Variants in MAP3K7CL observed in about 807,000 individuals in gnomAD.
MAP3K7CL encodes the protein MAP3K7 C-terminal-like protein.
In MAP3K7CL, 16 loss-of-function variants were observed where a neutral mutation model predicts 18.6. The observed-to-expected ratio is 0.86, with a 90% CI of 0.58 to 1.31. MAP3K7CL has a LOEUF of 1.31. MAP3K7CL is among the 50% of genes most tolerant of loss of function. The pLI is 0.00. For missense variants in MAP3K7CL, 163 were observed against 174.4 expected (o/e 0.93, Z 0.37); for synonymous variants, 65 against 66.8 (o/e 0.97, Z 0.13).
chr21:29,103,192 T>C (rs965942408), intron 4 of MAP3K7CL, among the ~76,000 whole-genome samples: 11 of 152,334 alleles, frequency 7.2e-5, no homozygotes, highest in African/African-American at 2.6e-4. Flanking sequence ...GTTTATATAG[T>C]GTCTATGGCT....
chr21:29,158,917 C>CTTT (rs36003464), intron 3 of MAP3K7CL, among the ~76,000 whole-genome samples: 1,147 of 100,434 alleles, frequency 0.011, 68 homozygotes, highest in African/African-American at 0.015. Context: ...AAAAGTAGTA[C>CTTT]TTTTTTTTTT....
At chr21:29,089,024 G>T (rs1486152340) in intron 1 of MAP3K7CL, among the ~76,000 whole-genome samples, 1 of 151,972 alleles carries the variant, frequency 6.6e-6, no homozygotes, top group African/African-American at 2.4e-5. Flanking sequence ...ACAAAAATTA[G>T]CCAGATGTGG....
upstream of MAP3K7CL, among the ~76,000 whole-genome samples, chr21:29,083,143 G>T (rs1051592800): frequency 1.4e-4 from 21 of 152,114 alleles, no homozygotes; most frequent in African/African-American, 4.3e-4. Context: ...TTTGCCTTGG[G>T]CAATTCCTCA....
chr21:29,099,753 C>T (rs1391968838), intron 4 of MAP3K7CL, among the ~76,000 whole-genome samples: 1 of 152,038 alleles, frequency 6.6e-6, no homozygotes, highest in African/African-American at 2.4e-5. Flanking sequence ...TCTTAAGAAA[C>T]AGATCTCTAT....
upstream of MAP3K7CL, among the ~76,000 whole-genome samples, chr21:29,129,974 A>G (rs1056150645): frequency 1.4e-4 from 22 of 152,040 alleles, no homozygotes; most frequent in African/African-American, 4.3e-4. Flanking sequence ...TATCTTTCAG[A>G]TCTTTTGCCT....
chr21:29,123,062 T>A (rs1366213470), intron 4 of MAP3K7CL, among the ~76,000 whole-genome samples: 12 of 144,390 alleles, frequency 8.3e-5, no homozygotes, highest in African/African-American at 1.8e-4. Context: ...GATCTTTTTT[T>A]TTTTTTTTTT....
At chr21:29,134,529 G>A (rs953787707) in intron 2 of MAP3K7CL, among the ~76,000 whole-genome samples, 10 of 152,150 alleles carry the variant, frequency 6.6e-5, no homozygotes, top group East Asian at 1.9e-4. Flanking sequence ...GATGTATTCC[G>A]TAGCAGGAAG....
chr21:29,099,806 G>C (rs1301943681), intron 4 of MAP3K7CL, among the ~76,000 whole-genome samples: 4 of 152,088 alleles, frequency 2.6e-5, no homozygotes, highest in Admixed American at 2.0e-4. Flanking sequence ...AAAAGGGGCC[G>C]GGCGCAGTGG....
At chr21:29,105,294 C>A (rs1330084860) in intron 4 of MAP3K7CL, among the ~76,000 whole-genome samples, 1 of 152,180 alleles carries the variant, frequency 6.6e-6, no homozygotes, top group Non-Finnish European at 1.5e-5. Flanking sequence ...CATTCTCTTC[C>A]TCCGCCTTCC....
chr21:29,101,622 A>G (rs1334951793), intron 4 of MAP3K7CL, among the ~76,000 whole-genome samples: 1 of 152,036 alleles, frequency 6.6e-6, no homozygotes, highest in Non-Finnish European at 1.5e-5. Flanking sequence ...GTTAGCCAGG[A>G]TGGTCTCGAT....
At chr21:29,090,351 A>G (rs1601129678) in intron 1 of MAP3K7CL, among the ~76,000 whole-genome samples, 1 of 152,082 alleles carries the variant, frequency 6.6e-6, no homozygotes, top group Non-Finnish European at 1.5e-5. Context: ...AGGCGTAGGG[A>G]ATGCAATCTC....
intron 4 of MAP3K7CL, among the ~76,000 whole-genome samples, chr21:29,105,938 G>C (rs901081603): frequency 3.3e-5 from 5 of 152,156 alleles, no homozygotes; most frequent in African/African-American, 1.2e-4. Context: ...GCTGAAGGTA[G>C]CTCTACAAAA....
At chr21:29,084,762 G>A (rs1259410610), upstream of MAP3K7CL, among the ~76,000 whole-genome samples, 1 of 152,092 alleles carries the variant, frequency 6.6e-6, no homozygotes, top group Non-Finnish European at 1.5e-5. Flanking sequence ...GAAGAAGGAG[G>A]GTAATGGTTA....
chr21:29,151,429 G>A (rs759237025), intron 3 of MAP3K7CL, among the ~76,000 whole-genome samples: 4 of 151,942 alleles, frequency 2.6e-5, no homozygotes, highest in Non-Finnish European at 5.9e-5. Context: ...AGCCAAGATC[G>A]TACCACTGCA....
At chr21:29,168,003 G>A (rs1246831944) in intron 4 of MAP3K7CL, among the ~76,000 whole-genome samples, 1 of 151,954 alleles carries the variant, frequency 6.6e-6, no homozygotes, top group African/African-American at 2.4e-5. Context: ...CGGCAGAGAA[G>A]GACCAATTTT....
chr21:29,080,924 A>G (rs1413000820), upstream of MAP3K7CL, among the ~76,000 whole-genome samples: 29 of 152,124 alleles, frequency 1.9e-4, no homozygotes, highest in Non-Finnish European at 2.9e-5. Flanking sequence ...AGCTCACATC[A>G]GAAATGAAAT....
chr21:29,105,235 A>C (rs2086300410), intron 4 of MAP3K7CL, among the ~76,000 whole-genome samples: 1 of 152,166 alleles, frequency 6.6e-6, no homozygotes, highest in Admixed American at 6.5e-5. Context: ...GCTATATTGA[A>C]AAAGGCCTTG....
chr21:29,166,893 A>G (rs1264408725), intron 4 of MAP3K7CL, among the ~76,000 whole-genome samples: 1 of 152,216 alleles, frequency 6.6e-6, no homozygotes, highest in East Asian at 1.9e-4. Context: ...AGGTAGACCT[A>G]TGTTTTCAAT....
In MAP3K7CL at chr21:29,149,196, AC is replaced by A; in HGVS notation, c.83del (p.Pro28LeufsTer12). ...TTTATTTCCTTGTTTTAGATGATAC[AC>A]CCCCTGAAGACTCCATTCCTTTGGT... ...FSLNDASDDTPPEDSIPLVFP... is the reference protein window; with the variant it reads ...FSLNDASDDTXPEDSIPLVFP... On this transcript the variant is annotated frameshift_variant, in exon 3 of 5. Coordinates refer to ENST00000399928, the MANE Select transcript of MAP3K7CL (RefSeq NM_001286620.2). LOFTEE classifies it high-confidence loss of function. 1 of 1,613,662 alleles carries A rather than the reference AC, an allele frequency of 6.2e-7. No individual in the cohort carries two copies. Among genetic ancestry groups the A allele is most frequent in the Non-Finnish European group, 8.5e-7 (1 of 1,179,654 alleles).
Sources: allele counts gnomAD v4.1 joint callset (sites outside exome capture counted in the v4.1 genomes callset), GRCh38; gene constraint gnomAD v4.1.1; transcripts MANE v1.5; gene names NCBI Gene and HGNC (gene_info 2026-07-23, HGNC 2026-07-21).